Variants in CD72 observed in about 807,000 individuals in gnomAD.
CD72 encodes CD72 molecule, also known as B-cell differentiation antigen CD72.
In CD72, 28 loss-of-function variants were observed where a neutral mutation model predicts 50.7. That is an observed-to-expected ratio of 0.55 (90% confidence interval 0.41 to 0.76). The LOEUF (loss-of-function observed/expected upper bound fraction) is 0.76. Ranked by LOEUF, CD72 falls within the 30% of genes least tolerant of loss-of-function variation. The pLI, the probability that CD72 is intolerant of heterozygous loss-of-function variation, is 0.00. For missense variants in CD72, 403 were observed against 420.6 expected (o/e 0.96, Z 0.37); for synonymous variants, 176 against 171.2 (o/e 1.03, Z -0.22).
At chr9:35,645,216 A>AC (rs36116164) in intron 1 of CD72, among the ~76,000 whole-genome samples, 1 of 149,204 alleles carries the variant, frequency 6.7e-6, no homozygotes, top group East Asian at 2.0e-4. Flanking sequence ...AAAAAAAAAA[A>AC]GGAATTCATT....
intron 5 of CD72, 120 bp from the exon 6 acceptor site, chr9:35,613,113 C>A: frequency 1.3e-6 from 1 of 795,316 alleles, no homozygotes; most frequent in African/African-American, 1.7e-5. Context: ...CTTCTATGAT[C>A]TTTGCAATCT....
chr9:35,611,628 G>C (rs1293633808), intron 7 of CD72, among the ~76,000 whole-genome samples, 176 bp downstream of exon 7: 1 of 152,160 alleles, frequency 6.6e-6, no homozygotes, highest in East Asian at 1.9e-4. Flanking sequence ...ATAGAATGGA[G>C]AATAAGATTG....
chr9:35,639,002 G>T (rs1338747373), intron 1 of CD72, among the ~76,000 whole-genome samples: 1 of 151,966 alleles, frequency 6.6e-6, no homozygotes, highest in Non-Finnish European at 1.5e-5. Flanking sequence ...TAGACCCAGA[G>T]GGGCCGGAAG....
At position 35,611,045 on chromosome 9, in the gene CD72, A is replaced by G. The variant is rs574723907; in HGVS notation, c.951-292T>C. The stretch of plus-strand genomic sequence containing the variant: ...GGCGGGTGGATCACAAGGTCAGGAC[A>G]TCGAGACCATCCTGACTAACACGGT... On this transcript the variant is annotated intron_variant, in intron 7 of 8. Transcript: ENST00000259633. Among the ~76,000 whole-genome samples, 23 of 152,302 alleles carry G rather than the reference A, an allele frequency of 1.5e-4. No homozygotes were observed. The East Asian group carries it at 4.1e-3, about 27-fold the overall frequency.
intron 8 of CD72, 61 bp downstream of exon 8, chr9:35,610,541 C>A: frequency 7.7e-7 from 1 of 1,301,458 alleles, no homozygotes; most frequent in South Asian, 1.5e-5. Context: ...GCTCTGAGTC[C>A]CTGCTCTGAG....
intron 6 of CD72, 123 bp downstream of exon 6, chr9:35,612,725 A>T: frequency 2.3e-6 from 2 of 857,394 alleles, no homozygotes; most frequent in Non-Finnish European, 3.7e-6. Flanking sequence ...TATGATTCTC[A>T]GTTTCTTCCA....
intron 1 of CD72, among the ~76,000 whole-genome samples, chr9:35,631,945 T>C (rs986333416): frequency 3.3e-5 from 5 of 152,054 alleles, no homozygotes; most frequent in Non-Finnish European, 7.4e-5. Flanking sequence ...AATTATTATT[T>C]AAGGTTAGAA....
rs771933788 is a variant in CD72, at chr9:35,618,308, C to A, written c.-5G>T. ...ATAGGTGATGGCCTCAGCCATGGTCCTGAGCAGCTCTGCCCCCACTCGTCT... is the reference window on the plus strand; with the variant it reads ...ATAGGTGATGGCCTCAGCCATGGTCATGAGCAGCTCTGCCCCCACTCGTCT... On this transcript the variant is annotated 5_prime_UTR_variant, in exon 1 of 9. It adds an upstream start codon to the 5' untranslated region. Transcript: ENST00000259633. 6 of 1,614,162 alleles carry A rather than the reference C, an allele frequency of 3.7e-6. No homozygotes were observed. In the Admixed American group the frequency reaches 5.0e-5, roughly 13 times the overall value.
At chr9:35,615,892 C>T in intron 5 of CD72, 51 bp downstream of exon 5, 2 of 1,449,460 alleles carry the variant, frequency 1.4e-6, no homozygotes, top group Non-Finnish European at 1.9e-6. Context: ...CCACTACTAT[C>T]TCCTTGCTCC....
At chr9:35,620,770 C>T (rs1323440244), upstream of CD72, among the ~76,000 whole-genome samples, 1 of 152,066 alleles carries the variant, frequency 6.6e-6, no homozygotes, top group Non-Finnish European at 1.5e-5. Context: ...TTGCAGTGAG[C>T]CGAGATTGTG....
intron 1 of CD72, among the ~76,000 whole-genome samples, chr9:35,635,551 A>G (rs116980226): frequency 1.5e-3 from 225 of 152,340 alleles, no homozygotes; most frequent in Admixed American, 5.1e-3. Context: ...AGCTTCACAC[A>G]TATCTCTTCC....
rs747296581 is a variant in CD72, at chr9:35,617,190, C to T, written c.248G>A (p.Gly83Glu). 14 of 1,566,304 alleles carry T rather than the reference C, an allele frequency of 8.9e-6. No homozygotes were observed. The highest frequency in any genetic ancestry group is 1.4e-5 in the African/African-American group (1 of 73,624). ...GGCACACTCACAGGGGAGAATCCGC[C>T]CGACAGCTGGTGACGTCACGGCTCT... The part of the protein sequence containing the change: ...SWRAVTSPAV[G>E]RILPCRTTCL... The change falls in exon 3 of 9, where the codon GGG becomes GAG. Residue 83 changes from glycine to glutamate, a missense_variant. Coordinates refer to ENST00000259633, the MANE Select transcript of CD72 (RefSeq NM_001782.3).
rs145901203 is a variant in CD72, at chr9:35,633,678, A to C, written n.408+12725T>G. ...CAAAATCCTCCTATCCCTTTGCAGG[A>C]AGTCTTCTCCCACCTCCCCCAGCCC... is the stretch of plus-strand genomic sequence containing the variant. On this transcript the variant is annotated intron_variant and non_coding_transcript_variant, in intron 1 of 3. Coordinates refer to the CD72 transcript ENST00000465754. Among the ~76,000 whole-genome samples the C allele has an allele frequency of 8.2e-3, 1,249 of 152,296 alleles. 12 individuals carry two copies. The highest frequency in any genetic ancestry group is 0.021 in the African/African-American group (875 of 41,572).
At chr9:35,640,046 T>G (rs1485362687) in intron 1 of CD72, among the ~76,000 whole-genome samples, 1 of 152,224 alleles carries the variant, frequency 6.6e-6, no homozygotes, top group African/African-American at 2.4e-5. Context: ...ATCAAAGAAT[T>G]TCCACCAAAA....
chr9:35,630,036 CTTTTTT>C (rs35481553), intron 1 of CD72, among the ~76,000 whole-genome samples: 4 of 128,972 alleles, frequency 3.1e-5, no homozygotes, highest in African/African-American at 1.2e-4. Flanking sequence ...AATTTCTTTT[CTTTTTT>C]TTTTTTTTTT....
chr9:35,636,009 G>C (rs1298506075), intron 1 of CD72, among the ~76,000 whole-genome samples: 1 of 152,142 alleles, frequency 6.6e-6, no homozygotes, highest in Non-Finnish European at 1.5e-5. Flanking sequence ...TTACCTCTGG[G>C]AACTATGACT....
At chr9:35,627,767 C>T (rs1018367959) in intron 1 of CD72, among the ~76,000 whole-genome samples, 1 of 152,110 alleles carries the variant, frequency 6.6e-6, no homozygotes, top group Non-Finnish European at 1.5e-5. Context: ...AGTCTCAGAA[C>T]CAACCACAGC....
At chr9:35,624,342 C>CA (rs374983503), upstream of CD72, among the ~76,000 whole-genome samples, 147 of 151,864 alleles carry the variant, frequency 9.7e-4, 1 homozygote, top group African/African-American at 3.4e-3. Flanking sequence ...AGCCAGCGAC[C>CA]TGGACATCAG....
At chr9:35,627,767 C>A (rs1018367959) in intron 1 of CD72, among the ~76,000 whole-genome samples, 1 of 152,110 alleles carries the variant, frequency 6.6e-6, no homozygotes, top group African/African-American at 2.4e-5. Flanking sequence ...AGTCTCAGAA[C>A]CAACCACAGC....
Sources: gnomAD v4.1 joint callset for allele counts (sites outside exome capture counted in the v4.1 genomes callset) on GRCh38, gnomAD v4.1.1 for gene constraint, MANE v1.5 for transcripts, NCBI Gene and HGNC (gene_info 2026-07-23, HGNC 2026-07-21) for gene names.